Variants in TTC7A observed in about 807,000 individuals in gnomAD.
TTC7A encodes the protein tetratricopeptide repeat domain 7A, also known as tetratricopeptide repeat protein 7A.
TTC7A carries 110 observed loss-of-function variants against 103.7 expected under a neutral mutation model. That is an observed-to-expected ratio of 1.06 (90% confidence interval 0.91 to 1.24). The LOEUF is 1.24. Ranked by LOEUF, TTC7A falls within the 50% of genes most tolerant of loss-of-function variation. The pLI is 0.00. For synonymous variants in TTC7A, 521 were observed against 467.9 expected, an observed-to-expected ratio of 1.11 and a Z score of -1.47; for missense variants, 1,340 against 1,116.3, an observed-to-expected ratio of 1.20 and a Z score of -2.86.
At chr2:46,942,427 G>A (rs1670515453) in intron 1 of TTC7A, among the ~76,000 whole-genome samples, 1 of 152,144 alleles carries the variant, frequency 6.6e-6, no homozygotes. Context: ...TCCTCTCTGT[G>A]GGCACAATCA....
rs779300693 is a variant in TTC7A, at chr2:47,006,630, C to A, written c.1204-11C>A. On this transcript the variant is annotated splice_polypyrimidine_tract_variant and intron_variant, in intron 9 of 19. Transcript: ENST00000319190. ...CCTGGTGGGTAAATGCTGACTATCTCCCCTCCCCAGTGCCTGGAGCGAGCC... is the reference window on the plus strand; with the variant it reads ...CCTGGTGGGTAAATGCTGACTATCTACCCTCCCCAGTGCCTGGAGCGAGCC... 6.2e-7 allele frequency: 1 copy of A among 1,612,094 alleles called. No individual in the cohort carries two copies. The highest frequency in any genetic ancestry group is 1.1e-5 in the South Asian group (1 of 91,042).
At chr2:47,066,336 G>A (rs1684178828) in intron 19 of TTC7A, among the ~76,000 whole-genome samples, 1 of 152,090 alleles carries the variant, frequency 6.6e-6, no homozygotes, top group Admixed American at 6.5e-5. Flanking sequence ...GGCATGAGGG[G>A]GCACATCTTA....
rs770997657 is a variant in TTC7A at position 47,005,937 on chromosome 2, G to T, written c.1081G>T (p.Val361Leu). The T allele has an allele frequency of 3.7e-6, 6 of 1,614,036 alleles. No homozygotes were observed. The African/African-American group carries it at 6.7e-5, about 18-fold the overall frequency. The change falls in exon 9 of 20, where the codon GTG (valine) becomes TTG (leucine). Residue 361 changes from valine (V) to leucine (L), a missense_variant. Coordinates refer to ENST00000319190, the MANE Select transcript of TTC7A (RefSeq NM_020458.4). ...ISESMATRDV[V>L]LSRVPEQEED... ...CCACCCACAGGCAACTCGAGATGTG[G>T]TGCTGAGCCGGGTGCCGGAGCAGGA...
chr2:47,072,915 CTCT>C lies in TTC7A; in HGVS notation c.2356-782_2356-780del, dbSNP rs200430632. ...CAAGGTGCCAGTTTCACTTCCCAGCCTCTTCTTATGACTATTCCTGTTAGTTCC... is the reference window on the plus strand; with the variant it reads ...CAAGGTGCCAGTTTCACTTCCCAGCCTCTTATGACTATTCCTGTTAGTTCC... On this transcript the variant is annotated intron_variant, in intron 19 of 19. Transcript: ENST00000319190. Among the ~76,000 whole-genome samples the C allele has an allele frequency of 2.6e-3, 392 of 152,328 alleles. 4 individuals carry two copies. Among genetic ancestry groups the C allele is most frequent in the Admixed American group, 0.02 (299 of 15,308 alleles).
At chr2:47,041,745 C>G (rs1242072644) in intron 15 of TTC7A, among the ~76,000 whole-genome samples, 2 of 148,226 alleles carry the variant, frequency 1.3e-5, no homozygotes, top group Non-Finnish European at 3.0e-5. Context: ...AAGAGCAAAA[C>G]TCCGTCTCAA....
chr2:46,974,242 C>T (rs1673638879), intron 3 of TTC7A, among the ~76,000 whole-genome samples: 1 of 152,218 alleles, frequency 6.6e-6, no homozygotes, highest in African/African-American at 2.4e-5. Context: ...AGTTCCTGGG[C>T]AAAAAGCAGG....
chr2:47,048,856 G>C (rs1682585959), intron 16 of TTC7A, among the ~76,000 whole-genome samples: 1 of 152,148 alleles, frequency 6.6e-6, no homozygotes, highest in Non-Finnish European at 1.5e-5. Context: ...TCCTGCCTCA[G>C]CCTCCCAAAG....
intron 3 of TTC7A, among the ~76,000 whole-genome samples, chr2:46,966,665 T>C (rs1672878008): frequency 6.6e-6 from 1 of 151,732 alleles, no homozygotes; most frequent in South Asian, 2.1e-4. Flanking sequence ...CATCACTTTT[T>C]TTTTTTTTTT....
At chr2:47,029,182 C>T in intron 14 of TTC7A, 42 bp from the exon 15 acceptor site, 2 of 1,607,190 alleles carry the variant, frequency 1.2e-6, no homozygotes, top group Non-Finnish European at 1.7e-6. Context: ...CCCAGGGCAG[C>T]ATGTGCCTGG....
intron 12 of TTC7A, among the ~76,000 whole-genome samples, chr2:47,022,539 G>C (rs1218156129): frequency 6.6e-6 from 1 of 152,118 alleles, no homozygotes; most frequent in Non-Finnish European, 1.5e-5. Flanking sequence ...TCAGCCATGT[G>C]TCTTACTCCG....
At chr2:46,989,131 C>T (rs1459474323) in intron 5 of TTC7A, among the ~76,000 whole-genome samples, 2 of 152,210 alleles carry the variant, frequency 1.3e-5, no homozygotes, top group Non-Finnish European at 2.9e-5. Flanking sequence ...GCCGCTTGCA[C>T]ATCCCACCCA....
intron 15 of TTC7A, among the ~76,000 whole-genome samples, chr2:47,043,489 C>G (rs1039053432): frequency 6.6e-6 from 1 of 152,068 alleles, no homozygotes; most frequent in Non-Finnish European, 1.5e-5. Flanking sequence ...CTGCTAATAC[C>G]CATGTGATCA....
intron 3 of TTC7A, among the ~76,000 whole-genome samples, chr2:46,966,095 A>C: frequency 6.6e-6 from 1 of 151,900 alleles, no homozygotes; most frequent in East Asian, 1.9e-4. Context: ...GTTTACAGGC[A>C]TGCGCCACCA....
intron 5 of TTC7A, among the ~76,000 whole-genome samples, chr2:46,986,142 C>G (rs1049345531): frequency 6.6e-6 from 1 of 152,236 alleles, no homozygotes; most frequent in African/African-American, 2.4e-5. Flanking sequence ...CAGATACTGA[C>G]GTCAGCTCAT....
At chr2:46,964,429 G>A (rs538949334) in intron 3 of TTC7A, among the ~76,000 whole-genome samples, 1 of 152,338 alleles carries the variant, frequency 6.6e-6, no homozygotes, top group East Asian at 1.9e-4. Flanking sequence ...AGAGCCCACA[G>A]TAAGGCTCAG....
intron 11 of TTC7A, among the ~76,000 whole-genome samples, chr2:47,013,500 A>G (rs1009809652): frequency 6.6e-6 from 1 of 152,090 alleles, no homozygotes; most frequent in Admixed American, 6.5e-5. Flanking sequence ...GAAACCCAAA[A>G]TACCCATCTC....
At chr2:47,005,865 A>G in intron 8 of TTC7A, 57 bp from the exon 9 acceptor site, 1 of 1,600,996 alleles carries the variant, frequency 6.2e-7, no homozygotes, top group Non-Finnish European at 8.5e-7. Context: ...CCCTGCGAAG[A>G]CAGACACCTG....
At chr2:47,009,100 G>A (rs1677743309) in intron 10 of TTC7A, among the ~76,000 whole-genome samples, 1 of 152,106 alleles carries the variant, frequency 6.6e-6, no homozygotes, top group South Asian at 2.1e-4. Flanking sequence ...GGCTTGCTGG[G>A]GTGTGGATGG....
rs112038966 is a variant in TTC7A, at chr2:46,976,084, G to A, written c.648+981G>A. 2.5e-4 allele frequency among the ~76,000 whole-genome samples: 38 copies of A among 151,444 alleles called. 1 individual carries two copies. The highest frequency in any genetic ancestry group is 9.2e-4 in the African/African-American group (38 of 41,342). ...AATACTATGCCATGAGGGGCCCTTG[G>A]TTCAATGCTAAGGGGACAGGCAACT... On this transcript the variant is annotated intron_variant, in intron 4 of 19. Coordinates refer to ENST00000319190, the MANE Select transcript of TTC7A (RefSeq NM_020458.4).
Sources: allele counts gnomAD v4.1 joint callset (sites outside exome capture counted in the v4.1 genomes callset), GRCh38; gene constraint gnomAD v4.1.1; transcripts MANE v1.5; gene names NCBI Gene and HGNC (gene_info 2026-07-23, HGNC 2026-07-21).